FGFR4: variants seen among roughly 807,000 people sequenced by gnomAD.
FGFR4 encodes hydroxyaryl-protein kinase.
Under a neutral mutation model 89.9 loss-of-function variants are expected in FGFR4, and 63 were observed. The observed-to-expected ratio is 0.70, with a 90% confidence interval of 0.57 to 0.86. The LOEUF (loss-of-function observed/expected upper bound fraction) is 0.86. FGFR4 is among the 40% of genes least tolerant of loss of function. The pLI, the probability that FGFR4 is intolerant of heterozygous loss-of-function variation, is 0.00. For missense variants in FGFR4, 928 were observed against 1,106.7 expected (o/e 0.84, Z 2.29); for synonymous variants, 486 against 479.4 (o/e 1.01, Z -0.18).
At position 177,093,355 on chromosome 5, in the gene FGFR4, A is replaced by G. The variant is rs765807048; in HGVS notation, c.1251+24A>G. On this transcript the variant is annotated intron_variant, in intron 9 of 17. Coordinates refer to ENST00000292408, the MANE Select transcript of FGFR4 (RefSeq NM_213647.3). The surrounding 1 kb of genome is among the most constrained non-coding windows in gnomAD (Gnocchi z 5.8). The stretch of plus-strand genomic sequence containing the variant: ...AGGTACTGGGCGCATCCCCCACCTC[A>G]CATGTGACAGCCTGACTCCAGCAGG... The G allele has an allele frequency of 6.2e-7, 1 of 1,613,294 alleles. No individual in the cohort carries two copies. Among genetic ancestry groups the G allele is most frequent in the South Asian group, 1.1e-5 (1 of 91,054 alleles).
rs745616710 is a variant in FGFR4, at chr5:177,093,485, C to G, written c.1331C>G (p.Ala444Gly). The G allele has an allele frequency of 6.2e-7, 1 of 1,613,890 alleles. No homozygotes were observed. Among genetic ancestry groups the G allele is most frequent in the African/African-American group, 1.3e-5 (1 of 74,948 alleles). The change falls in exon 10 of 18, where the codon GCC (alanine) becomes GGC (glycine). Residue 444 changes from alanine to glycine, a missense_variant. Around this residue, in one of 5 missense-constraint regions of FGFR4, gnomAD observed 741 missense variants for 836.9 expected, o/e 0.89. Transcript: ENST00000292408. The surrounding 1 kb of genome is among the most constrained non-coding windows in gnomAD (Gnocchi z 5.8). ...GTGCGTCTCTCCTCCAGCGGCCCCG[C>G]CTTGCTCGCCGGCCTCGTGAGTCTA... ...RGVRLSSSGP[A>G]LLAGLVSLDL... is the part of the protein sequence containing the mutation.
At position 177,096,335 on chromosome 5, in the gene FGFR4, G is replaced by A. The variant is rs373767558; in HGVS notation, c.1993G>A (p.Val665Met). The change falls in exon 15 of 18, where the codon GTG (valine) becomes ATG (methionine). Residue 665 changes from valine to methionine, a missense_variant. By Grantham distance (21) the Val-to-Met change is conservative. This residue lies in a region of FGFR4 where 27 missense variants were observed against 64.4 expected (regional missense o/e 0.42). Coordinates refer to ENST00000292408, the MANE Select transcript of FGFR4 (RefSeq NM_213647.3). ...GGCGCCCGAGGCCTTGTTTGACCGG[G>A]TGTACACACACCAGAGTGACGTGTG... The part of the protein sequence containing the change: ...WMAPEALFDR[V>M]YTHQSDVWSF... 11 of 1,613,904 alleles carry A rather than the reference G, an allele frequency of 6.8e-6. No homozygotes were observed. Among genetic ancestry groups the A allele is most frequent in the Non-Finnish European group, 8.5e-6 (10 of 1,179,998 alleles).
intron 16 of FGFR4, among the ~76,000 whole-genome samples, 175 bp downstream of exon 16, chr5:177,096,916 CT>C (rs1395430961): frequency 9.3e-5 from 12 of 128,636 alleles, no homozygotes; most frequent in Admixed American, 2.3e-4. Context: ...TCCTCCTCCT[CT>C]TCCTCCTCCT....
At chr5:177,088,269 T>A (rs565299066) in intron 1 of FGFR4, 1 of 170,890 alleles carries the variant, frequency 5.9e-6, no homozygotes, top group East Asian at 1.1e-4. Flanking sequence ...AGCCAGGATG[T>A]TCTCGATCTC....
At chr5:177,090,702 G>C (rs200285656) in intron 3 of FGFR4, 43 bp from the exon 4 acceptor site, 94 of 1,552,410 alleles carry the variant, frequency 6.1e-5, no homozygotes, top group Non-Finnish European at 7.9e-5. Context: ...AGACAGACCT[G>C]CCCCTCTTGG....
rs1784546714 is a variant in FGFR4 at position 177,095,999 on chromosome 5, G to T, written c.1822-58G>T. On this transcript the variant is annotated intron_variant, in intron 13 of 17. Transcript: ENST00000292408. The surrounding 1 kb of genome is among the most constrained non-coding windows in gnomAD (Gnocchi z 5.7). ...CTGCCCCCGGGCCTGCTGGGGGGTG[G>T]TGTGTGCTCAACTCCAGGCCAGGTG... 4 of 1,581,474 alleles carry T rather than the reference G, an allele frequency of 2.5e-6. No homozygotes were observed. In the African/African-American group the frequency reaches 4.0e-5, roughly 16 times the overall value.
Position 177,091,805 on chromosome 5 carries a change from C to T in FGFR4, c.724C>T (p.Leu242=). ...SIRYNYLLDV[L]ERSPHRPILQ... ...CCGCTATAACTACCTGCTAGATGTG[C>T]TGGGTGAGCGCGGGGCTGGGAACAG... is the stretch of plus-strand genomic sequence containing the variant. Residue 242 remains leucine (L), a synonymous_variant, in exon 6 of 18, where the codon CTG becomes TTG. Transcript: ENST00000292408. The T allele has an allele frequency of 6.2e-7, 1 of 1,614,066 alleles. No homozygotes were observed. The highest frequency in any genetic ancestry group is 8.5e-7 in the Non-Finnish European group (1 of 1,179,950).
Position 177,093,188 on chromosome 5 carries a change from A to T in FGFR4, c.1108A>T (p.Ile370Phe), listed in dbSNP as rs1447537448. The T allele has an allele frequency of 6.2e-7, 1 of 1,613,790 alleles. No individual in the cohort carries two copies. The highest frequency in any genetic ancestry group is 2.2e-5 in the East Asian group (1 of 44,864). The change falls in exon 9 of 18, where the codon ATC becomes TTC. Residue 370 changes from isoleucine to phenylalanine, a missense_variant. Ile to Phe is a conservative substitution (Grantham distance 21). Coordinates refer to ENST00000292408, the MANE Select transcript of FGFR4 (RefSeq NM_213647.3). This position sits in a 1 kb window ranked among gnomAD's most constrained non-coding sequence, Gnocchi z 5.8. ...AGCGCCCGAGGCCAGGTATACGGACATCATCCTGTACGCGTCGGGCTCCCT... is the reference window on the plus strand; with the variant it reads ...AGCGCCCGAGGCCAGGTATACGGACTTCATCCTGTACGCGTCGGGCTCCCT... ...AAAPEARYTD[I>F]ILYASGSLAL...
intron 4 of FGFR4, 53 bp downstream of exon 4, chr5:177,090,878 A>C: frequency 6.2e-7 from 1 of 1,614,050 alleles, no homozygotes; most frequent in Non-Finnish European, 8.5e-7. Flanking sequence ...CTGATCACTG[A>C]GAAGAGGAGG....
rs1477164480 is a variant in FGFR4 at position 177,089,696 on chromosome 5, A to G, written c.91+3A>G. 3 of 1,613,292 alleles carry G rather than the reference A, an allele frequency of 1.9e-6. No individual in the cohort carries two copies. Among genetic ancestry groups the G allele is most frequent in the Non-Finnish European group, 2.5e-6 (3 of 1,179,698 alleles). On this transcript the variant is annotated splice_donor_region_variant and intron_variant, in intron 2 of 17. Coordinates refer to ENST00000292408, the MANE Select transcript of FGFR4 (RefSeq NM_213647.3). ...GGCCTCTGAGGAAGTGGAGCTTGGT[A>G]TGGCTTCTGAGGTGGGAGAGGGTGG...
rs887753959 is a variant in FGFR4, at chr5:177,095,219, G to A, written c.1520-111G>A. The A allele has an allele frequency of 1.2e-6, 1 of 863,932 alleles. No homozygotes were observed. The highest frequency in any genetic ancestry group is 1.7e-5 in the African/African-American group (1 of 60,110). The allele number at this position is 863,932 out of a possible 1,614,324, so 53.5% of individuals were successfully genotyped here. A position where few individuals can be genotyped will look rare whatever the true frequency, so the allele number is the denominator to read the frequency against. On this transcript the variant is annotated intron_variant, in intron 11 of 17. Transcript: ENST00000292408. The surrounding 1 kb of genome is among the most constrained non-coding windows in gnomAD (Gnocchi z 5.7). ...GGCCACACAGCCTAGCAAGGATTCA[G>A]CCCTAGACCTACGTAGCCCTGGTCC...
rs745509807 is a variant in FGFR4, at chr5:177,089,621, C to A, written c.19C>A (p.Leu7Met). MRLLLALLGVLLSVPGP... is the reference protein window; with the variant it reads MRLLLAMLGVLLSVPGP... ...GAAGGAGATGCGGCTGCTGCTGGCC[C>A]TGTTGGGGGTCCTGCTGAGTGTGCC... Residue 7 changes from leucine to methionine, a missense_variant, in exon 2 of 18, where the codon CTG becomes ATG. Leu to Met is a conservative substitution (Grantham distance 15, BLOSUM62 2). Coordinates refer to ENST00000292408, the MANE Select transcript of FGFR4 (RefSeq NM_213647.3). 6 of 1,613,766 alleles carry A rather than the reference C, an allele frequency of 3.7e-6. No individual in the cohort carries two copies. The highest frequency in any genetic ancestry group is 5.1e-6 in the Non-Finnish European group (6 of 1,179,940).
In FGFR4 at chr5:177,087,463, G is replaced by C; in HGVS notation, c.-54+386G>C. 9.8e-6 allele frequency: 5 copies of C among 510,624 alleles called. No homozygotes were observed. Among genetic ancestry groups the C allele is most frequent in the Non-Finnish European group, 1.3e-5 (5 of 396,402 alleles). 31.6% of individuals were successfully genotyped at this position (510,624 alleles called of 1,614,324 possible). On this transcript the variant is annotated intron_variant, in intron 1 of 17. Transcript: ENST00000292408. This position sits in a 1 kb window ranked among gnomAD's most constrained non-coding sequence, Gnocchi z 6.1. ...GATGAGGGACCTGAGGCCCCGAAAA[G>C]TTCAGTCACTTAGTGCCCGGGGGCC...
intron 5 of FGFR4, 27 bp from the exon 6 acceptor site, chr5:177,091,658 G>A (rs780380144): frequency 5.0e-6 from 8 of 1,612,806 alleles, no homozygotes; most frequent in Middle Eastern, 1.7e-4. Flanking sequence ...ATGGTCCGGT[G>A]GTCCCGGACA....
At chr5:177,090,247 C>A in intron 2 of FGFR4, 143 bp from the exon 3 acceptor site, 1 of 1,172,466 alleles carries the variant, frequency 8.5e-7, no homozygotes, top group Non-Finnish European at 1.2e-6. Context: ...CAGCATGTGG[C>A]TGTGTGGGTG....
At chr5:177,096,767 C>T in intron 16 of FGFR4, 26 bp downstream of exon 16, 1 of 1,556,908 alleles carries the variant, frequency 6.4e-7, no homozygotes, top group Middle Eastern at 2.0e-4. Context: ...GCCCTCGACC[C>T]CACTTTCCAG....
Position 177,097,109 on chromosome 5 carries a change from TTCC to T in FGFR4, c.2154-171_2154-169del, listed in dbSNP as rs1305442592. On this transcript the variant is annotated intron_variant, in intron 16 of 17. Transcript: ENST00000292408. The stretch of plus-strand genomic sequence containing the variant: ...CTTCCTCCTCCTCCTCCTGCTCCTC[TTCC>T]TCCTCCTCCTCTTCCTCCTCCTCAG... 1.0e-3 allele frequency: 32 copies of T among 31,662 alleles called. 1 individual carries two copies. In the South Asian group the frequency reaches 0.011, roughly 11 times the overall value. The allele number at this position is 31,662 out of a possible 1,614,324, so 2.0% of individuals were successfully genotyped here.
chr5:177,088,346 C>G (rs1034305653), intron 1 of FGFR4: 1 of 185,366 alleles, frequency 5.4e-6, no homozygotes, highest in Non-Finnish European at 1.1e-5. Flanking sequence ...ACCATCGCGC[C>G]CAGCCGACTT....
Position 177,092,280 on chromosome 5 carries a change from G to A in FGFR4, c.728-41G>A, listed in dbSNP as rs758820785. The A allele has an allele frequency of 7.3e-6, 11 of 1,505,856 alleles. No homozygotes were observed. In the African/African-American group the frequency reaches 1.5e-4, roughly 21 times the overall value. The allele number at this position is 1,505,856 out of a possible 1,614,324, so 93.3% of individuals were successfully genotyped here. ...GGGAGGCAAACAGGGTGCTTCTATG[G>A]GTGCCGGTGGTCAGGGTTGACTGTC... On this transcript the variant is annotated intron_variant, in intron 6 of 17. Transcript: ENST00000292408.
Sources: gnomAD v4.1 joint callset for allele counts (sites outside exome capture counted in the v4.1 genomes callset) on GRCh38, gnomAD v4.1.1 for gene constraint, gnomAD v4.1.1 regional missense constraint, Gnocchi (gnomAD v3.1) non-coding constraint, MANE v1.5 for transcripts, NCBI Gene and HGNC (gene_info 2026-07-23, HGNC 2026-07-21) for gene names.